The following RBFOX1 variants were observed in gnomAD, a reference collection of about 807,000 sequenced individuals.
RBFOX1 encodes the protein RNA binding fox-1 homolog 1, also known as RNA binding protein fox-1 homolog 1.
Under a neutral mutation model 57.7 loss-of-function variants are expected in RBFOX1, and 8 were observed. The ratio of observed to expected loss-of-function variants is 0.14; its 90% CI spans 0.08 to 0.25. The LOEUF (loss-of-function observed/expected upper bound fraction) is 0.25. RBFOX1 is among the 10% of genes least tolerant of loss of function. The pLI is 1.00. For missense variants in RBFOX1, 611 were observed against 548.5 expected (o/e 1.11, Z -1.14); for synonymous variants, 326 against 222.4 (o/e 1.47, Z -4.15).
intron 4 of RBFOX1, among the ~76,000 whole-genome samples, chr16:7,078,140 C>A (rs1353166228): frequency 6.6e-6 from 1 of 152,176 alleles, no homozygotes; most frequent in Non-Finnish European, 1.5e-5. Context: ...TTCATTCTTT[C>A]TCATCTTTAG....
At chr16:6,949,047 G>A (rs977723387) in intron 3 of RBFOX1, among the ~76,000 whole-genome samples, 5 of 152,126 alleles carry the variant, frequency 3.3e-5, no homozygotes, top group Non-Finnish European at 2.9e-5. Flanking sequence ...AGTGTGATTC[G>A]TAAAAGGGAG....
At chr16:7,063,256 T>C (rs1373021121) in intron 4 of RBFOX1, among the ~76,000 whole-genome samples, 1 of 151,964 alleles carries the variant, frequency 6.6e-6, no homozygotes, top group Non-Finnish European at 1.5e-5. Context: ...TGCTTCAGGG[T>C]CTTTGGAACT....
intron 3 of RBFOX1, among the ~76,000 whole-genome samples, chr16:6,835,694 C>A (rs1325854148): frequency 7.4e-6 from 1 of 135,140 alleles, no homozygotes; most frequent in Non-Finnish European, 1.5e-5. Flanking sequence ...GTAGAGGTTG[C>A]AGTGAACCAA....
chr16:7,011,227 C>T (rs1478782254), intron 3 of RBFOX1, among the ~76,000 whole-genome samples: 3 of 152,098 alleles, frequency 2.0e-5, no homozygotes, highest in Admixed American at 1.3e-4. Context: ...CATTCCAGGG[C>T]TGGTTCTAAG....
At chr16:5,842,151 G>A (rs916151584) in intron 3 of RBFOX1, among the ~76,000 whole-genome samples, 1 of 152,200 alleles carries the variant, frequency 6.6e-6, no homozygotes, top group Non-Finnish European at 1.5e-5. Context: ...CTGAAATCAA[G>A]TTTAGACTTG....
At chr16:5,764,715 C>T (rs1007461617) in intron 3 of RBFOX1, among the ~76,000 whole-genome samples, 1 of 152,184 alleles carries the variant, frequency 6.6e-6, no homozygotes, top group African/African-American at 2.4e-5. Flanking sequence ...TTGGTCAAAA[C>T]ATAACCTGAG....
chr16:6,985,843 A>C (rs943621795), intron 3 of RBFOX1, among the ~76,000 whole-genome samples: 1 of 122,830 alleles, frequency 8.1e-6, no homozygotes, highest in Non-Finnish European at 2.0e-5. Flanking sequence ...AAAAAAAAAA[A>C]AAAACAGAAT....
chr16:7,188,331 GCTAT>G (rs2084434536), intron 4 of RBFOX1, among the ~76,000 whole-genome samples: 1 of 152,086 alleles, frequency 6.6e-6, no homozygotes, highest in Admixed American at 6.5e-5. Flanking sequence ...ATTTCCTTTG[GCTAT>G]CTAAGTCCTG....
intron 2 of RBFOX1, among the ~76,000 whole-genome samples, chr16:6,603,324 T>G (rs886127802): frequency 6.6e-6 from 1 of 152,188 alleles, no homozygotes; most frequent in Non-Finnish European, 1.5e-5. Flanking sequence ...ACCTGGCAGT[T>G]GGAGTCTTGT....
At chr16:7,205,827 A>C (rs1237619573) in intron 4 of RBFOX1, among the ~76,000 whole-genome samples, 1 of 152,230 alleles carries the variant, frequency 6.6e-6, no homozygotes, top group African/African-American at 2.4e-5. Flanking sequence ...CCACTGAGAG[A>C]ACTGTGTGTA....
At chr16:6,560,952 T>C (rs1451984203) in intron 2 of RBFOX1, among the ~76,000 whole-genome samples, 1 of 152,186 alleles carries the variant, frequency 6.6e-6, no homozygotes, top group Non-Finnish European at 1.5e-5. Context: ...CTCAGAGGCA[T>C]GTGCTGTAGA....
At chr16:5,316,781 A>G (rs1420609713) in intron 1 of RBFOX1, among the ~76,000 whole-genome samples, 1 of 152,200 alleles carries the variant, frequency 6.6e-6, no homozygotes, top group East Asian at 1.9e-4. Context: ...GTGGTTTGGC[A>G]TTCACTTAGG....
chr16:5,415,922 T>C (rs1295583823), intron 1 of RBFOX1, among the ~76,000 whole-genome samples: 1 of 152,158 alleles, frequency 6.6e-6, no homozygotes, highest in African/African-American at 2.4e-5. Flanking sequence ...CACTCAGAAA[T>C]GCCAAATGTC....
At chr16:5,594,359 G>T (rs2047110890) in intron 2 of RBFOX1, among the ~76,000 whole-genome samples, 1 of 152,138 alleles carries the variant, frequency 6.6e-6, no homozygotes, top group African/African-American at 2.4e-5. Flanking sequence ...CTGAGACACA[G>T]GTCTCAGTTA....
At chr16:7,234,999 G>A (rs1302866090) in intron 4 of RBFOX1, among the ~76,000 whole-genome samples, 1 of 152,066 alleles carries the variant, frequency 6.6e-6, no homozygotes, top group Non-Finnish European at 1.5e-5. Flanking sequence ...TCCAAAAAAC[G>A]GAATGTCTAA....
intron 1 of RBFOX1, among the ~76,000 whole-genome samples, chr16:6,121,569 T>C (rs991460359): frequency 3.9e-5 from 6 of 152,212 alleles, no homozygotes; most frequent in African/African-American, 1.2e-4. Context: ...TCCATTTGCT[T>C]GTACACTGTG....
At chr16:6,688,916 C>T (rs1016686750) in intron 3 of RBFOX1, among the ~76,000 whole-genome samples, 8 of 152,118 alleles carry the variant, frequency 5.3e-5, no homozygotes, top group African/African-American at 1.7e-4. Flanking sequence ...TGTCAGTTTC[C>T]TGAGAATGAT....
At chr16:6,033,390 C>T (rs923644459) in intron 1 of RBFOX1, among the ~76,000 whole-genome samples, 3 of 152,178 alleles carry the variant, frequency 2.0e-5, no homozygotes, top group African/African-American at 7.2e-5. Context: ...AAATAAATCT[C>T]TCTTGCACTT....
chr16:5,743,377 C>A (rs1412076695), intron 3 of RBFOX1, among the ~76,000 whole-genome samples: 6 of 152,132 alleles, frequency 3.9e-5, no homozygotes, highest in Admixed American at 3.9e-4. Context: ...TATCAGAGTT[C>A]TCTTAAACCA....
Sources: allele counts gnomAD v4.1 joint callset (sites outside exome capture counted in the v4.1 genomes callset), GRCh38; gene constraint gnomAD v4.1.1; transcripts MANE v1.5; gene names NCBI Gene and HGNC (gene_info 2026-07-23, HGNC 2026-07-21).